INPP5D: variants seen among roughly 807,000 people sequenced by gnomAD.
The protein encoded by INPP5D is phosphatidylinositol 3,4,5-trisphosphate 5-phosphatase 1.
INPP5D carries 33 observed loss-of-function variants against 122.9 expected under a neutral mutation model. The observed-to-expected ratio is 0.27, with a 90% CI of 0.20 to 0.36. INPP5D has a LOEUF of 0.36. Ranked by LOEUF, INPP5D falls within the 10% of genes least tolerant of loss-of-function variation. The probability of loss-of-function intolerance (pLI) is 1.00; values close to 1 mark genes in which losing one functional copy is unlikely to be tolerated. For missense variants in INPP5D, 1,053 were observed against 1,412.7 expected, an observed-to-expected ratio of 0.75 and a Z score of 4.08; for synonymous variants, 584 against 576.2, an observed-to-expected ratio of 1.01 and a Z score of -0.19.
intron 17 of INPP5D, among the ~76,000 whole-genome samples, chr2:233,172,685 TAAC>T (rs1343364005): frequency 6.6e-6 from 1 of 152,214 alleles, no homozygotes; most frequent in African/African-American, 2.4e-5. Context: ...ATGCGTCGCT[TAAC>T]AACGGGGATA....
chr2:233,081,815 C>T (rs1467428383), intron 2 of INPP5D, among the ~76,000 whole-genome samples: 4 of 152,106 alleles, frequency 2.6e-5, no homozygotes, highest in South Asian at 2.1e-4. Context: ...TCTGTGGGGC[C>T]GCTCTTCCCA....
At position 233,207,004 on chromosome 2, in the gene INPP5D, G is replaced by T; in HGVS notation, c.*296G>T. On this transcript the variant is annotated 3_prime_UTR_variant, in exon 27 of 27. Coordinates refer to ENST00000445964, the MANE Select transcript of INPP5D (RefSeq NM_001017915.3). The surrounding 1 kb of genome is among the most constrained non-coding windows in gnomAD (Gnocchi z 4.6). ...GCCTCGTTGAGGGCGCCATTCTGAA[G>T]AAAGGAACTGCAGCGCCGATTTGAG... is the stretch of plus-strand genomic sequence containing the variant. 1 of 394,916 alleles carries T rather than the reference G, an allele frequency of 2.5e-6. No individual in the cohort carries two copies. The highest frequency in any genetic ancestry group is 4.6e-6 in the Non-Finnish European group (1 of 216,470). 24.5% of individuals were successfully genotyped at this position (394,916 alleles called of 1,614,324 possible).
chr2:233,061,706 C>A (rs182784391), intron 1 of INPP5D, among the ~76,000 whole-genome samples: 27 of 152,316 alleles, frequency 1.8e-4, no homozygotes, highest in African/African-American at 6.3e-4. Flanking sequence ...TGTTAAAAGC[C>A]CCACTTTGCA....
At chr2:233,186,053 A>G in intron 21 of INPP5D, 128 bp downstream of exon 21, 1 of 1,290,030 alleles carries the variant, frequency 7.8e-7, no homozygotes, top group Non-Finnish European at 1.0e-6. Context: ...AAATGCAGAA[A>G]GAGACCCACT....
Position 233,198,341 on chromosome 2 carries a change from A to C in INPP5D, c.2940A>C (p.Ala980=). 1 of 1,613,544 alleles carries C rather than the reference A, an allele frequency of 6.2e-7. No individual in the cohort carries two copies. The highest frequency in any genetic ancestry group is 8.5e-7 in the Non-Finnish European group (1 of 1,179,710). Reference sequence around the variant, plus strand: ...CCAAGAAGTTTTTACCCTCAACAGCAAACCGGGGTCTCCCTCCCAGGACAC... The same window carrying C: ...CCAAGAAGTTTTTACCCTCAACAGCCAACCGGGGTCTCCCTCCCAGGACAC... The part of the protein sequence containing the change: ...ISPKKFLPST[A]NRGLPPRTQE... The change falls in exon 25 of 27, where the codon GCA becomes GCC. Residue 980 remains alanine, a synonymous_variant. Coordinates refer to ENST00000445964, the MANE Select transcript of INPP5D (RefSeq NM_001017915.3).
intron 1 of INPP5D, among the ~76,000 whole-genome samples, chr2:233,071,583 A>G (rs955957463): frequency 3.9e-5 from 6 of 152,190 alleles, no homozygotes; most frequent in African/African-American, 1.4e-4. Context: ...GAAAACTACT[A>G]TTGGGACTTT....
chr2:233,161,912 G>A (rs904982767), intron 11 of INPP5D, 86 bp downstream of exon 11: 13 of 1,510,574 alleles, frequency 8.6e-6, no homozygotes, highest in African/African-American at 1.4e-5. Context: ...GTGGAGTGAC[G>A]ACATCCATGT....
rs1357589890 is a variant in INPP5D at position 233,164,210 on chromosome 2, A to C, written c.1438-97A>C. 2.7e-6 allele frequency: 4 copies of C among 1,467,748 alleles called. No individual in the cohort carries two copies. The highest frequency in any genetic ancestry group is 3.6e-6 in the Non-Finnish European group (4 of 1,106,964). The allele number at this position is 1,467,748 out of a possible 1,614,324, so 90.9% of individuals were successfully genotyped here. A position where few individuals can be genotyped will look rare whatever the true frequency, so the allele number is the denominator to read the frequency against. On this transcript the variant is annotated intron_variant, in intron 12 of 26. Transcript: ENST00000445964. The surrounding 1 kb of genome is among the most constrained non-coding windows in gnomAD (Gnocchi z 4.3). ...GTTGGGATTACAGACAGGATACCCC[A>C]TACCCAGGGGCTGCGGCTGGGGCTG...
chr2:233,154,846 C>G (rs563849414), intron 9 of INPP5D, among the ~76,000 whole-genome samples: 1 of 152,194 alleles, frequency 6.6e-6, no homozygotes, highest in African/African-American at 2.4e-5. Flanking sequence ...AGAATTCCTT[C>G]GCCTAGGCAA....
chr2:233,066,617 C>A (rs1691235200), intron 1 of INPP5D, among the ~76,000 whole-genome samples: 1 of 151,656 alleles, frequency 6.6e-6, no homozygotes, highest in African/African-American at 2.4e-5. Context: ...TCTTAATTTT[C>A]TTTTTTTCCA....
intron 13 of INPP5D, among the ~76,000 whole-genome samples, chr2:233,168,345 G>GGT: frequency 1.3e-5 from 2 of 152,340 alleles, no homozygotes; most frequent in East Asian, 3.9e-4. Context: ...CCACATTTCA[G>GGT]GTGTTTGATA....
Position 233,188,885 on chromosome 2 carries a change from T to C in INPP5D, c.2359-965T>C, listed in dbSNP as rs1276717727. On this transcript the variant is annotated intron_variant, in intron 21 of 26. Transcript: ENST00000445964. This position sits in a 1 kb window ranked among gnomAD's most constrained non-coding sequence, Gnocchi z 4.7. ...GCCTGGAACTTTCTGAATGGAGATA[T>C]AGTGAGTCTGCCCTGTTGGCCAACA... 3.9e-5 allele frequency among the ~76,000 whole-genome samples: 6 copies of C among 152,064 alleles called. No homozygotes were observed.
rs910575453 is a variant in INPP5D, at chr2:233,164,748, A to T, written c.1555+324A>T. ...TCGGCCCGTGGGACCCATTTTAAGA[A>T]GCAAGAACCTAGAAGAGGCATTGGC... On this transcript the variant is annotated intron_variant, in intron 13 of 26. Transcript: ENST00000445964. The surrounding 1 kb of genome is among the most constrained non-coding windows in gnomAD (Gnocchi z 4.3). Among the ~76,000 whole-genome samples the T allele has an allele frequency of 1.3e-5, 2 of 152,232 alleles. No homozygotes were observed. Among genetic ancestry groups the T allele is most frequent in the Non-Finnish European group, 2.9e-5 (2 of 68,030 alleles).
chr2:233,119,198 C>T (rs115373923), intron 2 of INPP5D, among the ~76,000 whole-genome samples: 130 of 152,322 alleles, frequency 8.5e-4, no homozygotes, highest in African/African-American at 2.8e-3. Flanking sequence ...CTCAAACACG[C>T]GTTCTTCAGA....
intron 9 of INPP5D, among the ~76,000 whole-genome samples, chr2:233,151,998 T>C (rs1693936155): frequency 1.3e-5 from 2 of 152,230 alleles, no homozygotes; most frequent in South Asian, 4.1e-4. Context: ...GTGGCTTCTT[T>C]ACAGTTGGTG....
chr2:233,163,431 C>T (rs1483245753), intron 11 of INPP5D, among the ~76,000 whole-genome samples: 2 of 152,146 alleles, frequency 1.3e-5, no homozygotes, highest in Non-Finnish European at 2.9e-5. Flanking sequence ...CCTCAAAGTG[C>T]AGGACAGTGT....
At chr2:233,084,783 T>C (rs892985745) in intron 2 of INPP5D, among the ~76,000 whole-genome samples, 47 of 152,336 alleles carry the variant, frequency 3.1e-4, no homozygotes, top group African/African-American at 1.1e-3. Context: ...GTTCAGGGCA[T>C]AGAAGCCTAG....
chr2:233,184,033 C>A (rs981291109), intron 19 of INPP5D, among the ~76,000 whole-genome samples: 1 of 152,146 alleles, frequency 6.6e-6, no homozygotes, highest in African/African-American at 2.4e-5. Flanking sequence ...AACTCAGAAA[C>A]AGCATTGATC....
chr2:233,103,687 C>T (rs1380778965), intron 2 of INPP5D, among the ~76,000 whole-genome samples: 1 of 150,564 alleles, frequency 6.6e-6, no homozygotes, highest in Non-Finnish European at 1.5e-5. Context: ...AGGGTGTTCT[C>T]TCAGAAAAGT....
Sources: gnomAD v4.1 joint callset for allele counts (sites outside exome capture counted in the v4.1 genomes callset) on GRCh38, gnomAD v4.1.1 for gene constraint, Gnocchi (gnomAD v3.1) non-coding constraint, MANE v1.5 for transcripts, NCBI Gene and HGNC (gene_info 2026-07-23, HGNC 2026-07-21) for gene names.